The following LPAR1 variants were observed in gnomAD, a reference collection of about 807,000 sequenced individuals.
LPAR1 encodes lysophosphatidic acid receptor 1.
LPAR1 carries 5 observed loss-of-function variants against 23.8 expected under a neutral mutation model. The ratio of observed to expected loss-of-function variants is 0.21; its 90% CI spans 0.11 to 0.44. The LOEUF is 0.44. Ranked by LOEUF, LPAR1 falls within the 20% of genes least tolerant of loss-of-function variation. The probability of loss-of-function intolerance (pLI) is 0.99; values close to 1 mark genes in which losing one functional copy is unlikely to be tolerated. For synonymous variants in LPAR1, 160 were observed against 164.7 expected, an observed-to-expected ratio of 0.97 and a Z score of 0.22; for missense variants, 311 against 482.8, an observed-to-expected ratio of 0.64 and a Z score of 3.33.
intron 5 of LPAR1, among the ~76,000 whole-genome samples, chr9:110,888,284 C>G (rs1041016419): frequency 3.3e-5 from 5 of 152,106 alleles, no homozygotes; most frequent in African/African-American, 1.2e-4. Flanking sequence ...ATTAAGCATC[C>G]CATACTACTT....
chr9:110,907,841 G>C (rs1055839630), intron 5 of LPAR1, among the ~76,000 whole-genome samples: 2 of 151,262 alleles, frequency 1.3e-5, no homozygotes, highest in African/African-American at 4.9e-5. Context: ...ACTATTCAAA[G>C]AACAGTAATT....
At chr9:110,900,670 T>A (rs923104995) in intron 5 of LPAR1, among the ~76,000 whole-genome samples, 4 of 152,234 alleles carry the variant, frequency 2.6e-5, no homozygotes, top group Admixed American at 2.6e-4. Context: ...ATCACTAGTA[T>A]AAAATTACAT....
intron 4 of LPAR1, among the ~76,000 whole-genome samples, chr9:110,965,791 T>C (rs1443212630): frequency 2.0e-5 from 3 of 152,252 alleles, no homozygotes; most frequent in African/African-American, 7.2e-5. Flanking sequence ...CGAAGGATTA[T>C]AAATCATTTC....
intron 2 of LPAR1, among the ~76,000 whole-genome samples, chr9:111,005,003 A>G (rs139048518): frequency 0.017 from 2,610 of 152,044 alleles, 36 homozygotes; most frequent in Non-Finnish European, 0.027. Flanking sequence ...TCTACAAAAA[A>G]CAAACAAACA....
At chr9:110,989,754 C>T (rs762783887) in intron 2 of LPAR1, among the ~76,000 whole-genome samples, 2 of 152,006 alleles carry the variant, frequency 1.3e-5, no homozygotes, top group African/African-American at 4.8e-5. Flanking sequence ...CATATATATA[C>T]ACTCATTAAA....
At position 110,875,431 on chromosome 9, in the gene LPAR1, G is replaced by A; in HGVS notation, c.1085C>T (p.Ser362Phe). Residue 362 changes from serine (S) to phenylalanine (F), a missense_variant, in exon 6 of 6, where the codon TCT becomes TTT. By Grantham distance (155) the Ser-to-Phe change is radical (BLOSUM62 -2). This residue lies in a region of LPAR1 where 250 missense variants were observed against 427.2 expected (regional missense o/e 0.59). Coordinates refer to ENST00000683809, the MANE Select transcript of LPAR1 (RefSeq NM_001351411.2). ...ATCTCAGTTTCCGTTCTAAACCACA[G>A]AGTGGTCATTGCTGTGAACTCCAGC... is the stretch of plus-strand genomic sequence containing the variant. ...ILAGVHSNDH[S>F]VV The A allele has an allele frequency of 6.2e-7, 1 of 1,611,704 alleles. No homozygotes were observed. The highest frequency in any genetic ancestry group is 1.1e-5 in the South Asian group (1 of 90,982).
chr9:110,966,365 G>A (rs1317415555), intron 4 of LPAR1, among the ~76,000 whole-genome samples: 1 of 151,916 alleles, frequency 6.6e-6, no homozygotes, highest in Non-Finnish European at 1.5e-5. Flanking sequence ...TGTAGTCCCA[G>A]CTACTCAGGA....
chr9:110,971,781 G>A (rs2096432296), intron 4 of LPAR1, among the ~76,000 whole-genome samples: 1 of 127,670 alleles, frequency 7.8e-6, no homozygotes, highest in African/African-American at 3.0e-5. Context: ...GTTTACTACT[G>A]ACTTACTTTG....
At chr9:110,960,072 T>C (rs2095904667) in intron 4 of LPAR1, among the ~76,000 whole-genome samples, 2 of 152,158 alleles carry the variant, frequency 1.3e-5, no homozygotes, top group Admixed American at 1.3e-4. Flanking sequence ...AAGGAGTAAG[T>C]TCTAACATTC....
intron 2 of LPAR1, among the ~76,000 whole-genome samples, chr9:110,991,845 G>A (rs140192494): frequency 1.6e-3 from 246 of 151,974 alleles, no homozygotes; most frequent in African/African-American, 5.6e-3. Context: ...CGCCCACCTC[G>A]GCCTCCCAAA....
At chr9:110,982,413 G>A (rs2096686738) in intron 2 of LPAR1, among the ~76,000 whole-genome samples, 2 of 152,142 alleles carry the variant, frequency 1.3e-5, no homozygotes, top group South Asian at 4.2e-4. Flanking sequence ...ACTCATAAGT[G>A]GGAGTTGAAC....
In LPAR1 at chr9:111,009,998, A is replaced by AATATATATATATATAT. The variant is rs55696642; in HGVS notation, c.-182+26108_-182+26123dup. On this transcript the variant is annotated intron_variant, in intron 2 of 5. Transcript: ENST00000683809. ...TCATTTCTCATTTCATAATTAGGAA[A>AATATATATATATATAT]ATATATATATATATATATATATATA... 7.3e-5 allele frequency among the ~76,000 whole-genome samples: 9 copies of AATATATATATATATAT among 123,424 alleles called. No individual in the cohort carries two copies. The East Asian group carries it at 1.1e-3, about 15-fold the overall frequency. The allele number at this position is 123,424 out of a possible 152,430, so 81.0% of individuals were successfully genotyped here. A position where few individuals can be genotyped will look rare whatever the true frequency, so the allele number is the denominator to read the frequency against.
chr9:111,010,616 G>A (rs988166007), intron 2 of LPAR1, among the ~76,000 whole-genome samples: 3 of 152,094 alleles, frequency 2.0e-5, no homozygotes, highest in African/African-American at 4.8e-5. Context: ...AGCTGTTGCC[G>A]CCTTTCTTAA....
chr9:110,940,727 A>G (rs183589719), intron 5 of LPAR1, among the ~76,000 whole-genome samples: 2 of 152,364 alleles, frequency 1.3e-5, no homozygotes, highest in East Asian at 3.9e-4. Flanking sequence ...ACATAAGTGA[A>G]TATATTCTTC....
intron 5 of LPAR1, among the ~76,000 whole-genome samples, chr9:110,876,991 C>T (rs1367962291): frequency 6.6e-6 from 1 of 152,158 alleles, no homozygotes; most frequent in Non-Finnish European, 1.5e-5. Context: ...ACCTAATGGG[C>T]CCCATATGTG....
intron 5 of LPAR1, among the ~76,000 whole-genome samples, chr9:110,909,081 G>A (rs1052369246): frequency 6.6e-5 from 10 of 152,044 alleles, no homozygotes; most frequent in East Asian, 1.9e-4. Context: ...TGACTGCTTC[G>A]TTGCCCCTCC....
chr9:110,914,629 G>A (rs573385311), intron 5 of LPAR1, among the ~76,000 whole-genome samples: 7 of 152,312 alleles, frequency 4.6e-5, no homozygotes, highest in African/African-American at 1.7e-4. Flanking sequence ...AATTCTGGTT[G>A]TGAGGATAAT....
chr9:110,942,040 A>C lies in LPAR1; in HGVS notation c.174T>G (p.Thr58=), dbSNP rs757859338. 1 of 1,614,198 alleles carries C rather than the reference A, an allele frequency of 6.2e-7. No individual in the cohort carries two copies. The highest frequency in any genetic ancestry group is 2.2e-5 in the East Asian group (1 of 44,874). The change falls in exon 5 of 6, where the codon ACT becomes ACG. Residue 58 remains threonine (T), a synonymous_variant. Coordinates refer to ENST00000683809, the MANE Select transcript of LPAR1 (RefSeq NM_001351411.2). ...TGGCCAACATGATGAAGATACAAAC[A>C]GTGATTCCAAGTCCCATCACCAGCT... ...VSKLVMGLGI[T]VCIFIMLANL... is the part of the protein sequence containing the mutation.
intron 5 of LPAR1, among the ~76,000 whole-genome samples, chr9:110,908,023 G>A (rs911846913): frequency 3.3e-5 from 5 of 151,260 alleles, no homozygotes; most frequent in Non-Finnish European, 7.4e-5. Flanking sequence ...GAAGATGGAG[G>A]CTAAGGCTCA....
Sources: allele counts gnomAD v4.1 joint callset (sites outside exome capture counted in the v4.1 genomes callset), GRCh38; gene constraint gnomAD v4.1.1; regional missense constraint gnomAD v4.1.1; transcripts MANE v1.5; gene names NCBI Gene and HGNC (gene_info 2026-07-23, HGNC 2026-07-21).